The following BAALC variants were observed in gnomAD, a reference collection of about 807,000 sequenced individuals.
The protein encoded by BAALC is BAALC binder of MAP3K1 and KLF4.
A neutral mutation model predicts 15.5 loss-of-function variants in BAALC; 9 were observed. That is an observed-to-expected ratio of 0.58 (90% confidence interval 0.35 to 1.02). The LOEUF (loss-of-function observed/expected upper bound fraction) is 1.02. Ranked by LOEUF, BAALC falls within the 50% of genes least tolerant of loss-of-function variation. The pLI is 0.02. For missense variants in BAALC, 201 were observed against 192.4 expected, an observed-to-expected ratio of 1.04 and a Z score of -0.27; for synonymous variants, 80 against 74.6, an observed-to-expected ratio of 1.07 and a Z score of -0.37.
chr8:103,173,104 C>T lies in BAALC; in HGVS notation c.160+32047C>T, dbSNP rs527504169. Among the ~76,000 whole-genome samples the T allele has an allele frequency of 2.8e-4, 42 of 152,274 alleles. 1 individual carries two copies. The Middle Eastern group carries it at 0.01, about 37-fold the overall frequency. Reference sequence around the variant, plus strand: ...CTGGATCCTTTTGATTTTTGAGGCACGGTGGGCCATCATTTGAACTGTTAA... The same window carrying T: ...CTGGATCCTTTTGATTTTTGAGGCATGGTGGGCCATCATTTGAACTGTTAA... On this transcript the variant is annotated intron_variant, in intron 1 of 2. Coordinates refer to ENST00000309982, the MANE Select transcript of BAALC (RefSeq NM_024812.3).
At position 103,228,063 on chromosome 8, in the gene BAALC, C is replaced by A. The variant is rs377171393; in HGVS notation, c.402C>A (p.Asp134Glu). 9.3e-6 allele frequency: 15 copies of A among 1,613,346 alleles called. No homozygotes were observed. In the African/African-American group the frequency reaches 1.6e-4, roughly 17 times the overall value. The change falls in exon 3 of 3, where the codon GAC becomes GAA. Residue 134 changes from aspartate to glutamate, a missense_variant. By Grantham distance (45) the Asp-to-Glu change is conservative. Transcript: ENST00000309982. Reference sequence around the variant, plus strand: ...TAACAGATAGCATCCAACAGATGGACAGAAGTCGAAGAATCACAAAGAACT... The same window carrying A: ...TAACAGATAGCATCCAACAGATGGAAAGAAGTCGAAGAATCACAAAGAACT... The part of the protein sequence containing the change: ...INVTDSIQQM[D>E]RSRRITKNCV...
chr8:103,213,264 T>G, intron 2 of BAALC, 179 bp downstream of exon 2: 1 of 624,654 alleles, frequency 1.6e-6, no homozygotes, highest in South Asian at 2.7e-5. Context: ...AAACCCTGCC[T>G]TGAGGGTTGC....
At chr8:103,168,725 A>G (rs1483128251) in intron 1 of BAALC, among the ~76,000 whole-genome samples, 1 of 151,870 alleles carries the variant, frequency 6.6e-6, no homozygotes, top group African/African-American at 2.4e-5. Context: ...TTTGACATTA[A>G]CCTGAGGATT....
intron 2 of BAALC, among the ~76,000 whole-genome samples, chr8:103,215,409 G>A (rs1812534182): frequency 1.3e-5 from 2 of 152,172 alleles, no homozygotes; most frequent in Non-Finnish European, 1.5e-5. Context: ...TTTTAAAAAT[G>A]AATAGTGTAT....
intron 1 of BAALC, among the ~76,000 whole-genome samples, chr8:103,145,109 T>A (rs1328280571): frequency 6.6e-6 from 1 of 152,232 alleles, no homozygotes; most frequent in African/African-American, 2.4e-5. Context: ...ATTTTACAGT[T>A]CACTAAACTC....
chr8:103,211,448 C>T (rs11987505), intron 1 of BAALC, among the ~76,000 whole-genome samples: 8,062 of 152,156 alleles, frequency 0.053, 684 homozygotes, highest in African/African-American at 0.18. Context: ...TTGGGTAACT[C>T]GTCCTCATTT....
chr8:103,185,836 T>C (rs894747946), intron 1 of BAALC, among the ~76,000 whole-genome samples: 1 of 152,272 alleles, frequency 6.6e-6, no homozygotes, highest in African/African-American at 2.4e-5. Context: ...GACTTTGAAC[T>C]TGAAATATAA....
chr8:103,151,004 A>T (rs1874089), intron 1 of BAALC, among the ~76,000 whole-genome samples: 54,439 of 149,668 alleles, frequency 0.36, 9,927 homozygotes, highest in East Asian at 0.45. Context: ...AATAGTTGCA[A>T]TGTTAAAGAA....
intron 1 of BAALC, among the ~76,000 whole-genome samples, chr8:103,207,564 G>A (rs1283894437): frequency 2.0e-5 from 3 of 152,196 alleles, no homozygotes; most frequent in African/African-American, 7.2e-5. Context: ...ATCAACCTTT[G>A]TCTTTCCTGG....
intron 2 of BAALC, chr8:103,213,323 G>A: frequency 4.5e-6 from 2 of 442,580 alleles, no homozygotes; most frequent in Non-Finnish European, 8.1e-6. Flanking sequence ...CTTTATTCAA[G>A]GATCTTGTTT....
At chr8:103,196,726 C>A (rs1812106342) in intron 1 of BAALC, among the ~76,000 whole-genome samples, 1 of 152,184 alleles carries the variant, frequency 6.6e-6, no homozygotes, top group Non-Finnish European at 1.5e-5. Context: ...GCTTGGTGAA[C>A]CTCCCTGGTA....
chr8:103,153,538 CAG>C (rs1417911370), intron 1 of BAALC, among the ~76,000 whole-genome samples: 2 of 152,230 alleles, frequency 1.3e-5, no homozygotes, highest in East Asian at 3.8e-4. Context: ...CTTTTAACTT[CAG>C]ACTGTGCTGT....
rs187716262 is a variant in BAALC, at chr8:103,223,025, C to T, written c.328-4964C>T. Among the ~76,000 whole-genome samples, 713 of 152,170 alleles carry T rather than the reference C, an allele frequency of 4.7e-3. 4 individuals carry two copies. The highest frequency in any genetic ancestry group is 0.017 in the African/African-American group (695 of 41,520). ...GACTTTTAGTTTTAAAACTTTTTGG[C>T]GGGCCGGGCGTGGTGGCTGGCTCAC... On this transcript the variant is annotated intron_variant, in intron 2 of 2. Coordinates refer to ENST00000309982, the MANE Select transcript of BAALC (RefSeq NM_024812.3).
chr8:103,140,884 C>G lies in BAALC; in HGVS notation c.-14C>G. On this transcript the variant is annotated 5_prime_UTR_variant, in exon 1 of 3. Coordinates refer to ENST00000309982, the MANE Select transcript of BAALC (RefSeq NM_024812.3). The surrounding 1 kb of genome is among the most constrained non-coding windows in gnomAD (Gnocchi z 4.2). ...CAGCCGAGCAGCCGCTGGGCGCTCC[C>G]GCGGCGCAGGAGGATGGGCTGCGGC... is the stretch of plus-strand genomic sequence containing the variant. The G allele has an allele frequency of 1.3e-6, 2 of 1,491,054 alleles. No individual in the cohort carries two copies. Among genetic ancestry groups the G allele is most frequent in the African/African-American group, 2.9e-5 (2 of 68,406 alleles). The allele number at this position is 1,491,054 out of a possible 1,614,324, so 92.4% of individuals were successfully genotyped here.
At chr8:103,147,275 A>T (rs1488818443) in intron 1 of BAALC, among the ~76,000 whole-genome samples, 2 of 152,232 alleles carry the variant, frequency 1.3e-5, no homozygotes, top group Non-Finnish European at 2.9e-5. Context: ...GTGTAGTAGT[A>T]TCCTAAGTGC....
intron 1 of BAALC, among the ~76,000 whole-genome samples, chr8:103,171,297 G>A (rs1293933565): frequency 6.7e-6 from 1 of 148,372 alleles, no homozygotes; most frequent in Non-Finnish European, 1.5e-5. Flanking sequence ...GAGAAGGAAG[G>A]GGGGAGGGAG....
chr8:103,209,353 C>T (rs1327196757), intron 1 of BAALC, among the ~76,000 whole-genome samples: 1 of 152,116 alleles, frequency 6.6e-6, no homozygotes, highest in Admixed American at 6.5e-5. Context: ...CCCTGGGCAA[C>T]AGAGCGAGAC....
At chr8:103,213,160 G>A in intron 2 of BAALC, 75 bp downstream of exon 2, 1 of 1,501,106 alleles carries the variant, frequency 6.7e-7, no homozygotes, top group Non-Finnish European at 9.1e-7. Context: ...GAGCCACCCA[G>A]CCGCTATGTC....
At chr8:103,212,086 C>T (rs1008404293) in intron 1 of BAALC, among the ~76,000 whole-genome samples, 3 of 152,148 alleles carry the variant, frequency 2.0e-5, no homozygotes, top group African/African-American at 7.2e-5. Flanking sequence ...TCTATCATTT[C>T]TTGGCATTTG....
Sources: gnomAD v4.1 joint callset for allele counts (sites outside exome capture counted in the v4.1 genomes callset) on GRCh38, gnomAD v4.1.1 for gene constraint, Gnocchi (gnomAD v3.1) non-coding constraint, MANE v1.5 for transcripts, NCBI Gene and HGNC (gene_info 2026-07-23, HGNC 2026-07-21) for gene names.